NOL4L: variants seen among roughly 807,000 people sequenced by gnomAD.
NOL4L encodes nucleolar protein 4-like.
A neutral mutation model predicts 64.5 loss-of-function variants in NOL4L; 7 were observed. The observed-to-expected ratio is 0.11, with a 90% CI of 0.06 to 0.20. The LOEUF is 0.20. Among genes scored for constraint, NOL4L ranks in the 10% least tolerant of loss-of-function variants. The pLI is 1.00. For missense variants in NOL4L, 680 were observed against 967.1 expected, an observed-to-expected ratio of 0.70 and a Z score of 3.94; for synonymous variants, 413 against 401.0, an observed-to-expected ratio of 1.03 and a Z score of -0.36.
intron 4 of NOL4L, among the ~76,000 whole-genome samples, chr20:32,488,955 AAT>A: frequency 1.0e-5 from 1 of 100,122 alleles, no homozygotes; most frequent in Non-Finnish European, 1.9e-5. Context: ...TCTCTATTTG[AAT>A]TGTTGGTCTT....
intron 4 of NOL4L, among the ~76,000 whole-genome samples, chr20:32,507,398 C>T (rs933800743): frequency 9.2e-5 from 14 of 152,134 alleles, no homozygotes; most frequent in African/African-American, 3.4e-4. Context: ...ATTGGGTGCA[C>T]TGAACCAGAC....
intron 4 of NOL4L, among the ~76,000 whole-genome samples, chr20:32,488,837 TTCTTTC>T (rs2016301152): frequency 5.3e-5 from 4 of 75,420 alleles, no homozygotes; most frequent in South Asian, 4.2e-4. Context: ...TTTTCTTTCT[TTCTTTC>T]TTTCTTTCTT....
rs386393630 is a variant in NOL4L at position 32,447,403 on chromosome 20, C to CA, written c.*192dup. On this transcript the variant is annotated 3_prime_UTR_variant, in exon 11 of 11. Coordinates refer to ENST00000621426, the MANE Select transcript of NOL4L (RefSeq NM_001256798.2). ...TCAGAGCACCCGTGTGGTGAGATTC[C>CA]AAAAAAAAAAAAAAAAAAAAAAAAA... 0.064 allele frequency: 9,661 copies of CA among 150,334 alleles called. 478 individuals are homozygous for CA. The highest frequency in any genetic ancestry group is 0.093 in the South Asian group (1,717 of 18,376). 9.3% of individuals were successfully genotyped at this position (150,334 alleles called of 1,614,324 possible).
intron 1 of NOL4L, among the ~76,000 whole-genome samples, chr20:32,534,655 C>T (rs2018452135): frequency 6.6e-6 from 1 of 151,842 alleles, no homozygotes; most frequent in African/African-American, 2.4e-5. Context: ...GAGTTCAAGA[C>T]CAGCCTGGGC....
chr20:32,453,660 GTCA>G lies in NOL4L; in HGVS notation c.1218_1220del (p.Asp410del), dbSNP rs747800698. 1 of 1,592,678 alleles carries G rather than the reference GTCA, an allele frequency of 6.3e-7. No homozygotes were observed. The highest frequency in any genetic ancestry group is 8.5e-7 in the Non-Finnish European group (1 of 1,169,724). ...CCTCATGGTCATCGTGGTCATCGTC[GTCA>G]TCATCTGCCGTCGGGGCCCGGCCCA... On this transcript the variant is annotated inframe_deletion, in exon 7 of 11. Coordinates refer to ENST00000621426, the MANE Select transcript of NOL4L (RefSeq NM_001256798.2). This position sits in a 1 kb window ranked among gnomAD's most constrained non-coding sequence, Gnocchi z 5.6.
intron 1 of NOL4L, among the ~76,000 whole-genome samples, chr20:32,539,019 C>T (rs1427130346): frequency 4.3e-5 from 4 of 93,964 alleles, no homozygotes; most frequent in Non-Finnish European, 8.1e-5. Flanking sequence ...CCAGGGGCTC[C>T]AGTGGGGGTG....
chr20:32,457,172 C>CGG (rs906601280), intron 5 of NOL4L, among the ~76,000 whole-genome samples: 18 of 152,340 alleles, frequency 1.2e-4, no homozygotes, highest in Non-Finnish European at 2.5e-4. Context: ...CCTGCGGGCG[C>CGG]GGGGGAGGAA....
At chr20:32,540,566 A>G (rs760490701) in intron 1 of NOL4L, among the ~76,000 whole-genome samples, 3 of 152,124 alleles carry the variant, frequency 2.0e-5, no homozygotes, top group Non-Finnish European at 4.4e-5. Context: ...CACTGATTCA[A>G]CAAATCCTTT....
chr20:32,482,133 C>T (rs2015766829), intron 4 of NOL4L, among the ~76,000 whole-genome samples: 1 of 152,162 alleles, frequency 6.6e-6, no homozygotes. Flanking sequence ...CCCCTCAGAG[C>T]AGACAGAAAG....
chr20:32,520,666 C>T (rs1292859397), intron 3 of NOL4L, 145 bp downstream of exon 3: 3 of 461,588 alleles, frequency 6.5e-6, no homozygotes, highest in East Asian at 6.9e-5. Flanking sequence ...GCGCTTTGGG[C>T]AGCACCACGG....
In NOL4L at chr20:32,582,410, G is replaced by C. The variant is rs966926027; in HGVS notation, c.321+2160C>G. On this transcript the variant is annotated intron_variant, in intron 1 of 10. Transcript: ENST00000621426. ...AGCATCTGAAGCCAGCAGCTGGGCCGGCAGGACCTGGGGTCCAGGCCCAGC... is the reference window on the plus strand; with the variant it reads ...AGCATCTGAAGCCAGCAGCTGGGCCCGCAGGACCTGGGGTCCAGGCCCAGC... Among the ~76,000 whole-genome samples the C allele has an allele frequency of 4.6e-5, 7 of 152,290 alleles. No homozygotes were observed. The South Asian group carries it at 1.2e-3, about 27-fold the overall frequency.
At chr20:32,468,641 C>T (rs1218110399) in intron 5 of NOL4L, among the ~76,000 whole-genome samples, 1 of 152,188 alleles carries the variant, frequency 6.6e-6, no homozygotes, top group African/African-American at 2.4e-5. Flanking sequence ...TGGCTCACGC[C>T]TGTAATCCCT....
At chr20:32,473,367 C>A (rs2015156091) in intron 5 of NOL4L, among the ~76,000 whole-genome samples, 2 of 152,242 alleles carry the variant, frequency 1.3e-5, no homozygotes, top group South Asian at 4.1e-4. Context: ...GCTGCCCCCG[C>A]CGGTCCCCAC....
At chr20:32,477,945 T>G (rs1276991711) in intron 4 of NOL4L, among the ~76,000 whole-genome samples, 2 of 152,222 alleles carry the variant, frequency 1.3e-5, no homozygotes, top group East Asian at 3.8e-4. Context: ...AATGGTTTTA[T>G]TAGATTTCCT....
intron 4 of NOL4L, chr20:32,510,073 C>T: frequency 1.5e-6 from 1 of 672,612 alleles, no homozygotes; most frequent in South Asian, 1.5e-5. Flanking sequence ...ACTCCTGCAG[C>T]TCAAACTACT....
At chr20:32,457,173 G>A (rs1023015921) in intron 5 of NOL4L, among the ~76,000 whole-genome samples, 2 of 152,290 alleles carry the variant, frequency 1.3e-5, no homozygotes, top group South Asian at 2.1e-4. Flanking sequence ...CTGCGGGCGC[G>A]GGGGAGGAAA....
intron 2 of NOL4L, among the ~76,000 whole-genome samples, chr20:32,523,964 C>T (rs1025720510): frequency 6.6e-6 from 1 of 152,194 alleles, no homozygotes; most frequent in Non-Finnish European, 1.5e-5. Context: ...CAAGATCCTC[C>T]TTCTGCCCTG....
chr20:32,516,431 T>C (rs1022111316), intron 3 of NOL4L, among the ~76,000 whole-genome samples: 1 of 151,962 alleles, frequency 6.6e-6, no homozygotes, highest in Admixed American at 6.6e-5. Flanking sequence ...GGGTGAAGGA[T>C]GAGCAGGGTG....
chr20:32,474,828 G>A, intron 4 of NOL4L, 86 bp from the exon 5 acceptor site: 1 of 1,474,610 alleles, frequency 6.8e-7, no homozygotes, highest in Non-Finnish European at 9.0e-7. Flanking sequence ...CCCAGGGCCA[G>A]TGGGCGTTTG....
Sources: gnomAD v4.1 joint callset for allele counts (sites outside exome capture counted in the v4.1 genomes callset) on GRCh38, gnomAD v4.1.1 for gene constraint, Gnocchi (gnomAD v3.1) non-coding constraint, MANE v1.5 for transcripts, NCBI Gene and HGNC (gene_info 2026-07-23, HGNC 2026-07-21) for gene names.